SLCO3A1: variants seen among roughly 807,000 people sequenced by gnomAD.
SLCO3A1 encodes solute carrier organic anion transporter family member 3A1, also known as PGE1 transporter.
A neutral mutation model predicts 63.1 loss-of-function variants in SLCO3A1; 27 were observed. That is an observed-to-expected ratio of 0.43 (90% CI 0.32 to 0.59). The LOEUF is 0.59. Among genes scored for constraint, SLCO3A1 ranks in the 20% least tolerant of loss-of-function variants. SLCO3A1 has a pLI of 0.09. For synonymous variants in SLCO3A1, 473 were observed against 409.9 expected (o/e 1.15, Z -1.86); for missense variants, 773 against 945.8 (o/e 0.82, Z 2.40).
intron 2 of SLCO3A1, among the ~76,000 whole-genome samples, chr15:91,929,191 CTG>C (rs766573266): frequency 3.3e-5 from 5 of 152,128 alleles, no homozygotes; most frequent in Non-Finnish European, 7.3e-5. Context: ...CATACATGAA[CTG>C]TGTTTGCAGA....
intron 4 of SLCO3A1, among the ~76,000 whole-genome samples, chr15:92,106,759 A>G (rs1208805313): frequency 6.6e-6 from 1 of 152,174 alleles, no homozygotes; most frequent in African/African-American, 2.4e-5. Flanking sequence ...AACCGCAATA[A>G]CAAGCAGCAC....
intron 7 of SLCO3A1, among the ~76,000 whole-genome samples, chr15:92,142,171 C>A (rs1465973015): frequency 3.9e-5 from 6 of 152,374 alleles, no homozygotes; most frequent in Admixed American, 2.6e-4. Context: ...CAGACATTTT[C>A]ATTGGTCTTG....
At chr15:91,991,482 G>GC (rs1179534880) in intron 2 of SLCO3A1, among the ~76,000 whole-genome samples, 1 of 152,206 alleles carries the variant, frequency 6.6e-6, no homozygotes, top group African/African-American at 2.4e-5. Context: ...GGCCTCAGCT[G>GC]CCAGTGTACA....
intron 2 of SLCO3A1, among the ~76,000 whole-genome samples, chr15:92,043,451 T>A (rs1053851796): frequency 3.3e-5 from 5 of 152,184 alleles, no homozygotes; most frequent in Non-Finnish European, 4.4e-5. Context: ...ACTGCCAGCC[T>A]CTCACTGGCC....
In SLCO3A1 at chr15:91,916,510, G is replaced by A. The variant is rs1206350259; in HGVS notation, c.646+52G>A. On this transcript the variant is annotated intron_variant, in intron 2 of 9. Transcript: ENST00000318445. This position sits in a 1 kb window ranked among gnomAD's most constrained non-coding sequence, Gnocchi z 6.2. The stretch of plus-strand genomic sequence containing the variant: ...AAGAGACCAGGGTGTGTTGACCATG[G>A]ATAAAAGGTGGCCTGGTGGACTTTG... 1 of 1,359,576 alleles carries A rather than the reference G, an allele frequency of 7.4e-7. No individual in the cohort carries two copies. Among genetic ancestry groups the A allele is most frequent in the African/African-American group, 1.5e-5 (1 of 67,692 alleles). The allele number at this position is 1,359,576 out of a possible 1,614,324, so 84.2% of individuals were successfully genotyped here.
At chr15:92,062,645 C>G (rs1234925808) in intron 2 of SLCO3A1, among the ~76,000 whole-genome samples, 1 of 152,166 alleles carries the variant, frequency 6.6e-6, no homozygotes, top group Non-Finnish European at 1.5e-5. Flanking sequence ...CACTGGCAAG[C>G]TGTTAGGGGA....
Position 92,101,277 on chromosome 15 carries a change from C to T in SLCO3A1, c.746-3002C>T, listed in dbSNP as rs189890572. On this transcript the variant is annotated intron_variant, in intron 3 of 9. Coordinates refer to ENST00000318445, the MANE Select transcript of SLCO3A1 (RefSeq NM_013272.4). ...TAATCTCAGCACTTTGGGAGGCCAACGCGGGTGGATCACCTGAGGTCAGGA... is the reference window on the plus strand; with the variant it reads ...TAATCTCAGCACTTTGGGAGGCCAATGCGGGTGGATCACCTGAGGTCAGGA... Among the ~76,000 whole-genome samples, 31 of 152,188 alleles carry T rather than the reference C, an allele frequency of 2.0e-4. No individual in the cohort carries two copies. The East Asian group carries it at 5.4e-3, about 27-fold the overall frequency.
intron 2 of SLCO3A1, among the ~76,000 whole-genome samples, chr15:92,009,646 A>G (rs2046348198): frequency 6.6e-6 from 1 of 152,142 alleles, no homozygotes; most frequent in African/African-American, 2.4e-5. Context: ...TTTCCTTCCA[A>G]CATTTTGAAT....
At chr15:91,974,542 G>T (rs533822560) in intron 2 of SLCO3A1, among the ~76,000 whole-genome samples, 1 of 152,166 alleles carries the variant, frequency 6.6e-6, no homozygotes, top group East Asian at 1.9e-4. Context: ...AGGGAAGAGC[G>T]TGGTGGGAGG....
chr15:91,898,997 C>T (rs1898081545), intron 1 of SLCO3A1, among the ~76,000 whole-genome samples: 1 of 151,604 alleles, frequency 6.6e-6, no homozygotes, highest in South Asian at 2.1e-4. Flanking sequence ...GGCCAAGTGC[C>T]ATATGGGAAG....
At chr15:92,136,081 C>T (rs927128582) in intron 7 of SLCO3A1, among the ~76,000 whole-genome samples, 5 of 152,076 alleles carry the variant, frequency 3.3e-5, no homozygotes, top group African/African-American at 1.2e-4. Context: ...ATGATCATGC[C>T]ACTGCACTGC....
chr15:91,924,585 A>AAAAAAGTG lies in SLCO3A1; in HGVS notation c.646+8128_646+8135dup, dbSNP rs200750114. Among the ~76,000 whole-genome samples the AAAAAAGTG allele has an allele frequency of 7.1e-4, 108 of 152,348 alleles. No individual in the cohort carries two copies. In the East Asian group the frequency reaches 0.02, roughly 28 times the overall value. ...GCACATTGTGAATGTCACAGCCAGA[A>AAAAAAGTG]AAAAAGTGTTCTTCGCTGTGGTTCT... On this transcript the variant is annotated intron_variant, in intron 2 of 9. Transcript: ENST00000318445.
intron 2 of SLCO3A1, among the ~76,000 whole-genome samples, chr15:91,971,393 T>TGAAAAAAAAAAA (rs1900858430): frequency 5.4e-4 from 1 of 1,858 alleles, no homozygotes; most frequent in African/African-American, 1.7e-3. Flanking sequence ...AGACTCCATC[T>TGAAAAAAAAAAA]CAAAAAAAAA....
At chr15:91,903,027 C>T (rs1007081596) in intron 1 of SLCO3A1, among the ~76,000 whole-genome samples, 13 of 152,214 alleles carry the variant, frequency 8.5e-5, no homozygotes, top group African/African-American at 1.4e-4. Context: ...AATATGTTAG[C>T]TCTTTTACTT....
intron 9 of SLCO3A1, among the ~76,000 whole-genome samples, chr15:92,155,532 G>A (rs779164304): frequency 1.2e-4 from 19 of 152,260 alleles, no homozygotes; most frequent in South Asian, 6.2e-4. Flanking sequence ...GAGCAAATGG[G>A]GGTTTCAGAT....
chr15:92,022,340 T>A (rs2046520315), intron 2 of SLCO3A1, among the ~76,000 whole-genome samples: 1 of 152,210 alleles, frequency 6.6e-6, no homozygotes, highest in Non-Finnish European at 1.5e-5. Context: ...GTGTGAACAT[T>A]CTACATAGGA....
At chr15:92,071,966 A>T (rs2047220686) in intron 2 of SLCO3A1, among the ~76,000 whole-genome samples, 1 of 152,144 alleles carries the variant, frequency 6.6e-6, no homozygotes, top group Non-Finnish European at 1.5e-5. Flanking sequence ...TCCTTTTTTC[A>T]GCTGTCACCA....
intron 2 of SLCO3A1, among the ~76,000 whole-genome samples, chr15:92,093,890 C>T (rs2047507491): frequency 6.6e-6 from 1 of 152,132 alleles, no homozygotes; most frequent in African/African-American, 2.4e-5. Context: ...TCTCACCCTG[C>T]TCTCCAGGTG....
chr15:92,067,616 CA>C (rs548368824), intron 2 of SLCO3A1, among the ~76,000 whole-genome samples: 196 of 152,326 alleles, frequency 1.3e-3, no homozygotes, highest in Non-Finnish European at 2.1e-3. Context: ...AAATAAGACT[CA>C]TTAAGCATCG....
Sources: allele counts gnomAD v4.1 joint callset (sites outside exome capture counted in the v4.1 genomes callset), GRCh38; gene constraint gnomAD v4.1.1; non-coding constraint Gnocchi (gnomAD v3.1); transcripts MANE v1.5; gene names NCBI Gene and HGNC (gene_info 2026-07-23, HGNC 2026-07-21).